Variants in ACYP2 observed in about 807,000 individuals in gnomAD.
The protein encoded by ACYP2 is acylphosphatase-2.
Under a neutral mutation model 11.2 loss-of-function variants are expected in ACYP2, and 12 were observed. The observed-to-expected ratio is 1.08, with a 90% CI of 0.69 to 1.74. The LOEUF (loss-of-function observed/expected upper bound fraction) is 1.74. Among genes scored for constraint, ACYP2 ranks in the 40% most tolerant of loss-of-function variants. The probability of loss-of-function intolerance (pLI) is 0.00; values close to 1 mark genes in which losing one functional copy is unlikely to be tolerated. For missense variants in ACYP2, 134 were observed against 101.9 expected (o/e 1.31, Z -1.35); for synonymous variants, 43 against 32.2 (o/e 1.33, Z -1.13).
At chr2:54,027,604 G>T (rs1477842775) in intron 2 of ACYP2, among the ~76,000 whole-genome samples, 1 of 152,048 alleles carries the variant, frequency 6.6e-6, no homozygotes, top group Non-Finnish European at 1.5e-5. Context: ...TTGTTAATCT[G>T]TCTTTTATTA....
At chr2:54,164,079 A>G (rs544941520) in intron 6 of ACYP2, among the ~76,000 whole-genome samples, 1 of 152,330 alleles carries the variant, frequency 6.6e-6, no homozygotes, top group Non-Finnish European at 1.5e-5. Context: ...TCGGAAGACC[A>G]AAGGATAGCT....
chr2:54,073,057 G>C (rs948417939), intron 4 of ACYP2, among the ~76,000 whole-genome samples: 1 of 152,168 alleles, frequency 6.6e-6, no homozygotes, highest in Non-Finnish European at 1.5e-5. Flanking sequence ...CAGTAGACTA[G>C]AATTGAGAGT....
At chr2:54,036,997 T>C (rs987765544) in intron 2 of ACYP2, among the ~76,000 whole-genome samples, 1 of 152,230 alleles carries the variant, frequency 6.6e-6, no homozygotes, top group Non-Finnish European at 1.5e-5. Flanking sequence ...TGTGAAGTAA[T>C]GTTGTCCCTA....
At chr2:54,252,407 G>A (rs541866493) in intron 6 of ACYP2, among the ~76,000 whole-genome samples, 15 of 152,030 alleles carry the variant, frequency 9.9e-5, no homozygotes, top group East Asian at 3.9e-4. Context: ...ATATATTTCC[G>A]TTGGGTATAT....
chr2:54,071,195 A>G (rs555246519), intron 4 of ACYP2, among the ~76,000 whole-genome samples: 71 of 152,344 alleles, frequency 4.7e-4, no homozygotes, highest in African/African-American at 1.7e-3. Context: ...TAATAGTGAA[A>G]GGCTGAAAGC....
chr2:54,002,947 C>CTTTTATT (rs1672871903), intron 2 of ACYP2, among the ~76,000 whole-genome samples: 1 of 150,160 alleles, frequency 6.7e-6, no homozygotes, highest in Non-Finnish European at 1.5e-5. Flanking sequence ...CATGCCTGGC[C>CTTTTATT]TTTTATTTTT....
At chr2:54,027,760 C>T (rs556662266) in intron 2 of ACYP2, among the ~76,000 whole-genome samples, 2 of 151,692 alleles carry the variant, frequency 1.3e-5, no homozygotes, top group African/African-American at 4.8e-5. Context: ...TCAGGTTTTA[C>T]CTAATGTCTT....
chr2:53,996,759 T>C (rs1432207915), intron 2 of ACYP2, among the ~76,000 whole-genome samples: 1 of 152,220 alleles, frequency 6.6e-6, no homozygotes, highest in Non-Finnish European at 1.5e-5. Flanking sequence ...GCTCTCCTCA[T>C]GCATTTCAGA....
chr2:53,978,777 G>T (rs1289896451), intron 2 of ACYP2, among the ~76,000 whole-genome samples: 1 of 152,118 alleles, frequency 6.6e-6, no homozygotes, highest in African/African-American at 2.4e-5. Flanking sequence ...AAAAACATTA[G>T]CCAGGTATGG....
intron 6 of ACYP2, among the ~76,000 whole-genome samples, chr2:54,203,830 TG>T (rs1211910746): frequency 1.3e-5 from 2 of 151,600 alleles, no homozygotes; most frequent in Non-Finnish European, 2.9e-5. Context: ...GGATAAGTGG[TG>T]ATTTACTTTC....
chr2:54,124,107 G>T (rs1680320369), intron 4 of ACYP2, among the ~76,000 whole-genome samples: 1 of 151,958 alleles, frequency 6.6e-6, no homozygotes, highest in African/African-American at 2.4e-5. Context: ...ATTACAAAAA[G>T]ATTGTGATCT....
At chr2:54,177,047 TAC>T (rs1270720235) in intron 6 of ACYP2, among the ~76,000 whole-genome samples, 3 of 152,168 alleles carry the variant, frequency 2.0e-5, no homozygotes, top group Admixed American at 6.5e-5. Flanking sequence ...CTATGACATA[TAC>T]AGATTTAGAG....
At chr2:53,974,967 A>G (rs1282141491) in intron 2 of ACYP2, among the ~76,000 whole-genome samples, 2 of 152,180 alleles carry the variant, frequency 1.3e-5, no homozygotes, top group African/African-American at 4.8e-5. Context: ...AGATGAAAGG[A>G]TTCGCCTGAG....
At chr2:54,250,325 T>G (rs1687161636) in intron 6 of ACYP2, among the ~76,000 whole-genome samples, 1 of 151,980 alleles carries the variant, frequency 6.6e-6, no homozygotes, top group African/African-American at 2.4e-5. Flanking sequence ...AAAAATACTT[T>G]AGCTCGGCGT....
At chr2:53,976,397 G>A (rs1487418924) in intron 2 of ACYP2, among the ~76,000 whole-genome samples, 14 of 152,122 alleles carry the variant, frequency 9.2e-5, no homozygotes. Flanking sequence ...TGTAGAGATA[G>A]AGTCTCAATG....
intron 4 of ACYP2, among the ~76,000 whole-genome samples, chr2:54,074,733 C>T (rs537791427): frequency 3.2e-4 from 49 of 152,026 alleles, no homozygotes; most frequent in African/African-American, 1.2e-3. Context: ...ATTGACAAGT[C>T]CAAAATCTGC....
intron 4 of ACYP2, among the ~76,000 whole-genome samples, chr2:54,114,380 CAA>C (rs58390248): frequency 0.41 from 42,674 of 103,718 alleles, 7,176 homozygotes; most frequent in Non-Finnish European, 0.48. Context: ...TCAAGACAAT[CAA>C]AAAAAAAAAA....
At chr2:54,058,507 C>A (rs56865207) in intron 4 of ACYP2, among the ~76,000 whole-genome samples, 59 of 152,166 alleles carry the variant, frequency 3.9e-4, no homozygotes, top group African/African-American at 1.4e-3. Context: ...ATTCTAACTT[C>A]ATTTCTAGTT....
At chr2:53,986,223 A>G (rs1429215718) in intron 2 of ACYP2, among the ~76,000 whole-genome samples, 1 of 152,128 alleles carries the variant, frequency 6.6e-6, no homozygotes, top group Non-Finnish European at 1.5e-5. Flanking sequence ...TGCTCTCTGC[A>G]TATGCTGTCT....
Sources: allele counts gnomAD v4.1 joint callset (sites outside exome capture counted in the v4.1 genomes callset), GRCh38; gene constraint gnomAD v4.1.1; transcripts MANE v1.5; gene names NCBI Gene and HGNC (gene_info 2026-07-23, HGNC 2026-07-21).